The following ARHGAP5 variants were observed in gnomAD, a reference collection of about 807,000 sequenced individuals.
The protein encoded by ARHGAP5 is rho GTPase-activating protein 5.
A neutral mutation model predicts 116.6 loss-of-function variants in ARHGAP5; 23 were observed. The observed-to-expected ratio is 0.20, with a 90% confidence interval of 0.14 to 0.28. The LOEUF (loss-of-function observed/expected upper bound fraction) is 0.28. ARHGAP5 is among the 10% of genes least tolerant of loss of function. The pLI is 1.00. For missense variants in ARHGAP5, 1,405 were observed against 1,774.8 expected (o/e 0.79, Z 3.74); for synonymous variants, 574 against 602.0 (o/e 0.95, Z 0.68).
At chr14:32,126,116 C>T (rs1295022435) in intron 3 of ARHGAP5, among the ~76,000 whole-genome samples, 1 of 152,130 alleles carries the variant, frequency 6.6e-6, no homozygotes, top group Non-Finnish European at 1.5e-5. Flanking sequence ...CTTGAACTTC[C>T]AGTGCAATGT....
rs1878422742 is a variant in ARHGAP5, at chr14:32,094,381, A to G, written c.3712A>G (p.Lys1238Glu). 1.9e-6 allele frequency: 3 copies of G among 1,566,874 alleles called. No homozygotes were observed. Among genetic ancestry groups the G allele is most frequent in the African/African-American group, 2.8e-5 (2 of 72,312 alleles). ...KKKTHKVKED[K>E]KQKKKTKNFN... ...GAAAACCCACAAAGTGAAAGAAGATAAAAAGGTAAGGTTAACTTAAGGTCA... is the reference window on the plus strand; with the variant it reads ...GAAAACCCACAAAGTGAAAGAAGATGAAAAGGTAAGGTTAACTTAAGGTCA... Residue 1238 changes from lysine to glutamate, a missense_variant, in exon 2 of 7, where the codon AAA becomes GAA. By Grantham distance (56) the Lys-to-Glu change is moderately conservative. Around this residue, in one of 6 missense-constraint regions of ARHGAP5, gnomAD observed 176 missense variants for 221.2 expected, o/e 0.80. Transcript: ENST00000345122.
At position 32,093,524 on chromosome 14, in the gene ARHGAP5, A is replaced by G. The variant is rs375310953; in HGVS notation, c.2855A>G (p.Asp952Gly). 9.9e-6 allele frequency: 16 copies of G among 1,613,658 alleles called. No homozygotes were observed. In the African/African-American group the frequency reaches 2.1e-4, roughly 22 times the overall value. The change falls in exon 2 of 7, where the codon GAT (aspartate) becomes GGT (glycine). Residue 952 changes from aspartate to glycine, a missense_variant. This residue lies in a region of ARHGAP5 where 944 missense variants were observed against 1,095.3 expected (regional missense o/e 0.86). Coordinates refer to ENST00000345122, the MANE Select transcript of ARHGAP5 (RefSeq NM_001030055.2). ...KNMIENSYLS[D>G]NTRESTHQSE... ...ATGATAGAAAATTCTTATTTGTCTG[A>G]TAATACAAGGGAATCAACCCATCAA...
At chr14:32,128,961 A>G (rs995491977) in intron 3 of ARHGAP5, among the ~76,000 whole-genome samples, 7 of 152,174 alleles carry the variant, frequency 4.6e-5, no homozygotes, top group African/African-American at 1.4e-4. Flanking sequence ...TGTCTTCAGA[A>G]TCTACTGAGG....
intron 2 of ARHGAP5, among the ~76,000 whole-genome samples, chr14:32,115,954 C>T (rs1043451179): frequency 6.8e-6 from 1 of 147,622 alleles, no homozygotes; most frequent in African/African-American, 2.5e-5. Context: ...GAGATTGCGC[C>T]ACTGCTCTCC....
At chr14:32,079,016 T>A (rs2041744465) in intron 1 of ARHGAP5, among the ~76,000 whole-genome samples, 1 of 152,206 alleles carries the variant, frequency 6.6e-6, no homozygotes, top group South Asian at 2.1e-4. Flanking sequence ...CTAATTGACC[T>A]CCATTACCTT....
At position 32,092,295 on chromosome 14, in the gene ARHGAP5, A is replaced by G; in HGVS notation, c.1626A>G (p.Leu542=). The G allele has an allele frequency of 6.2e-7, 1 of 1,613,796 alleles. No individual in the cohort carries two copies. The highest frequency in any genetic ancestry group is 8.5e-7 in the Non-Finnish European group (1 of 1,179,810). ...TTGCACCTGATAGGGAATCCCTTCT[A>G]CTTAAGCATATAGGATTTGTTTATC... ...QKLAPDRESL[L]LKHIGFVYHP... The change falls in exon 2 of 7, where the codon CTA becomes CTG. Residue 542 remains leucine, a synonymous_variant. Transcript: ENST00000345122. This position sits in a 1 kb window ranked among gnomAD's most constrained non-coding sequence, Gnocchi z 4.1.
intron 3 of ARHGAP5, among the ~76,000 whole-genome samples, chr14:32,128,296 C>T (rs902737617): frequency 2.6e-5 from 4 of 152,212 alleles, no homozygotes; most frequent in Non-Finnish European, 1.5e-5. Flanking sequence ...GGGCAGAGGC[C>T]GCAATCTCAG....
In ARHGAP5 at chr14:32,123,975, GC is replaced by G. The variant is rs548639207; in HGVS notation, c.3865+6689del. Reference sequence around the variant, plus strand: ...TCAAGAAGTTTTCTCTCATATATGTGCAGTATTCAACCAAAGAACCCAGAGA... The same window carrying G: ...TCAAGAAGTTTTCTCTCATATATGTGAGTATTCAACCAAAGAACCCAGAGA... On this transcript the variant is annotated intron_variant, in intron 3 of 6. Coordinates refer to ENST00000345122, the MANE Select transcript of ARHGAP5 (RefSeq NM_001030055.2). Among the ~76,000 whole-genome samples the G allele has an allele frequency of 7.2e-5, 11 of 152,214 alleles. No individual in the cohort carries two copies. In the South Asian group the frequency reaches 2.1e-3, roughly 29 times the overall value.
At chr14:32,131,500 A>AC (rs956260502) in intron 3 of ARHGAP5, among the ~76,000 whole-genome samples, 5 of 149,404 alleles carry the variant, frequency 3.3e-5, no homozygotes, top group East Asian at 2.0e-4. Context: ...TGAAACGCCA[A>AC]CCCCCCCATT....
intron 2 of ARHGAP5, among the ~76,000 whole-genome samples, chr14:32,110,141 G>A (rs148980634): frequency 1.3e-5 from 2 of 151,766 alleles, no homozygotes; most frequent in East Asian, 1.9e-4. Flanking sequence ...GATGTTTGAG[G>A]TATGTTGATG....
intron 1 of ARHGAP5, among the ~76,000 whole-genome samples, chr14:32,077,806 G>T (rs2041724599): frequency 6.6e-6 from 1 of 152,116 alleles, no homozygotes; most frequent in Non-Finnish European, 1.5e-5. Flanking sequence ...GTCGAGAGGG[G>T]AGGTGGCGGT....
intron 3 of ARHGAP5, among the ~76,000 whole-genome samples, chr14:32,135,207 A>G (rs1880724322): frequency 1.3e-5 from 2 of 152,240 alleles, no homozygotes; most frequent in Non-Finnish European, 2.9e-5. Flanking sequence ...TTCATTGCCC[A>G]GGAATTGAGG....
rs376307600 is a variant in ARHGAP5 at position 32,090,633 on chromosome 14, G to A, written c.-37G>A. 17 of 1,498,514 alleles carry A rather than the reference G, an allele frequency of 1.1e-5. No homozygotes were observed. The highest frequency in any genetic ancestry group is 1.3e-5 in the Non-Finnish European group (15 of 1,113,344). The allele number at this position is 1,498,514 out of a possible 1,614,324, so 92.8% of individuals were successfully genotyped here. Reference sequence around the variant, plus strand: ...ATTTTCAGAATGAGAAGCATATCTGGTTACCTTTATGAATGTAGAGACATG... The same window carrying A: ...ATTTTCAGAATGAGAAGCATATCTGATTACCTTTATGAATGTAGAGACATG... On this transcript the variant is annotated 5_prime_UTR_variant, in exon 2 of 7. Transcript: ENST00000345122.
rs1182430088 is a variant in ARHGAP5 at position 32,140,097 on chromosome 14, C to CT, written c.3866-6150dup. 1.8e-3 allele frequency among the ~76,000 whole-genome samples: 45 copies of CT among 25,384 alleles called. 1 individual carries two copies. The highest frequency in any genetic ancestry group is 3.3e-3 in the African/African-American group (20 of 6,072). 16.7% of individuals were successfully genotyped at this position (25,384 alleles called of 152,430 possible). A position where few individuals can be genotyped will look rare whatever the true frequency, so the allele number is the denominator to read the frequency against. On this transcript the variant is annotated intron_variant, in intron 3 of 6. Coordinates refer to ENST00000345122, the MANE Select transcript of ARHGAP5 (RefSeq NM_001030055.2). Reference sequence around the variant, plus strand: ...TTTTTTTTTTTTTAGGTTATTTGTTCTTTTTTTTTTTTTTTTCCTTTTTTT... The same window carrying CT: ...TTTTTTTTTTTTTAGGTTATTTGTTCTTTTTTTTTTTTTTTTTCCTTTTTTT...
chr14:32,136,648 G>A (rs142136554), intron 3 of ARHGAP5, among the ~76,000 whole-genome samples: 54 of 152,174 alleles, frequency 3.5e-4, no homozygotes, highest in Non-Finnish European at 1.2e-4. Context: ...TGGATCATAC[G>A]GTAATTCTAT....
At chr14:32,104,763 G>A (rs926673682) in intron 2 of ARHGAP5, among the ~76,000 whole-genome samples, 4 of 152,152 alleles carry the variant, frequency 2.6e-5, no homozygotes, top group South Asian at 2.1e-4. Context: ...GTCTTGAGTC[G>A]TGTATGGACC....
chr14:32,117,081 C>A, intron 2 of ARHGAP5, 59 bp from the exon 3 acceptor site: 1 of 1,361,878 alleles, frequency 7.3e-7, no homozygotes, highest in Non-Finnish European at 1.0e-6. Flanking sequence ...TTACATTGCT[C>A]ATTACTATTA....
intron 1 of ARHGAP5, among the ~76,000 whole-genome samples, chr14:32,087,190 A>G (rs1356423227): frequency 2.6e-5 from 4 of 152,044 alleles, no homozygotes; most frequent in Admixed American, 2.6e-4. Flanking sequence ...AAAAAAAACA[A>G]TAAATTTTTT....
Position 32,156,493 on chromosome 14 carries a change from C to A in ARHGAP5, c.*1545C>A, listed in dbSNP as rs1881898586. On this transcript the variant is annotated 3_prime_UTR_variant, in exon 7 of 7. Coordinates refer to ENST00000345122, the MANE Select transcript of ARHGAP5 (RefSeq NM_001030055.2). The stretch of plus-strand genomic sequence containing the variant: ...TCAGAACCAAGATGTTGGCATGAAC[C>A]AGGCTGCTGTTGAAGTACATGTATA... 6.6e-6 allele frequency: 1 copy of A among 152,182 alleles called. No homozygotes were observed. The highest frequency in any genetic ancestry group is 1.5e-5 in the Non-Finnish European group (1 of 67,778). 9.4% of individuals were successfully genotyped at this position (152,182 alleles called of 1,614,324 possible).
Sources: gnomAD v4.1 joint callset for allele counts (sites outside exome capture counted in the v4.1 genomes callset) on GRCh38, gnomAD v4.1.1 for gene constraint, gnomAD v4.1.1 regional missense constraint, Gnocchi (gnomAD v3.1) non-coding constraint, MANE v1.5 for transcripts, NCBI Gene and HGNC (gene_info 2026-07-23, HGNC 2026-07-21) for gene names.